Variants in GPRC5D observed in about 807,000 individuals in gnomAD.
GPRC5D encodes the protein G protein-coupled receptor family C group 5 member D.
GPRC5D carries 20 observed loss-of-function variants against 29.3 expected under a neutral mutation model. That is an observed-to-expected ratio of 0.68 (90% CI 0.48 to 0.99). The LOEUF is 0.99. GPRC5D is among the 50% of genes least tolerant of loss of function. The pLI, the probability that GPRC5D is intolerant of heterozygous loss-of-function variation, is 0.00. For missense variants in GPRC5D, 384 were observed against 423.6 expected, an observed-to-expected ratio of 0.91 and a Z score of 0.82; for synonymous variants, 178 against 171.3, an observed-to-expected ratio of 1.04 and a Z score of -0.30.
chr12:12,950,847 G>A (rs1057024288), upstream of GPRC5D, among the ~76,000 whole-genome samples: 12 of 150,612 alleles, frequency 8.0e-5, no homozygotes, highest in African/African-American at 2.2e-4. Flanking sequence ...GCTCATGCTT[G>A]TAATCCTAGC....
chr12:12,944,760 T>C (rs12816681), intron 1 of GPRC5D, among the ~76,000 whole-genome samples: 6,487 of 25,820 alleles, frequency 0.25, 1,387 homozygotes, highest in South Asian at 0.4. Context: ...TTCCTTCCTT[T>C]CTTCCTTCCT....
At chr12:12,943,739 A>G (rs1222936071) in intron 1 of GPRC5D, among the ~76,000 whole-genome samples, 1 of 152,212 alleles carries the variant, frequency 6.6e-6, no homozygotes, top group African/African-American at 2.4e-5. Flanking sequence ...TGTCATAACA[A>G]GGCTCCTTCA....
chr12:12,949,768 A>G lies in GPRC5D; in HGVS notation c.617T>C (p.Ile206Thr). 3 of 1,614,178 alleles carry G rather than the reference A, an allele frequency of 1.9e-6. No individual in the cohort carries two copies. The South Asian group carries it at 3.3e-5, about 18-fold the overall frequency. ...GATGGAGAAGAGCACAGTGATAAAG[A>G]TGAGCCTTCCATGCTGCTTCCAGTT... Residue 206 changes from isoleucine (I) to threonine (T), a missense_variant, in exon 1 of 3, where the codon ATC (isoleucine) becomes ACC (threonine). Physicochemically the swap from Ile to Thr is moderately conservative, Grantham distance 89. Coordinates refer to ENST00000228887, the Ensembl canonical transcript of GPRC5D.
chr12:12,948,729 C>T (rs531686150), intron 1 of GPRC5D, among the ~76,000 whole-genome samples: 4 of 152,200 alleles, frequency 2.6e-5, no homozygotes, highest in Non-Finnish European at 4.4e-5. Flanking sequence ...GGGGTCCAAG[C>T]ATCCTTGTTG....
exon 1 of GPRC5D, chr12:12,949,838 G>A: frequency 6.2e-7 from 1 of 1,614,120 alleles, no homozygotes; most frequent in Non-Finnish European, 8.5e-7. Context: ...AAGAATGTGA[G>A]GGCCATCAGG....
chr12:12,940,704 C>T, downstream of GPRC5D: 2 of 860,918 alleles, frequency 2.3e-6, no homozygotes, highest in Non-Finnish European at 4.0e-6. Context: ...TCTGTGGGCC[C>T]CCGTGGGCTA....
At chr12:12,942,589 G>C (rs749814712) in intron 1 of GPRC5D, among the ~76,000 whole-genome samples, 83 of 152,294 alleles carry the variant, frequency 5.4e-4, no homozygotes, top group Non-Finnish European at 8.5e-4. Flanking sequence ...ACAAAAATTA[G>C]CTGGGCGTGG....
At chr12:12,944,072 T>G (rs1338049385) in intron 1 of GPRC5D, among the ~76,000 whole-genome samples, 1 of 152,200 alleles carries the variant, frequency 6.6e-6, no homozygotes, top group Non-Finnish European at 1.5e-5. Context: ...GATTCTGCAC[T>G]CTTTCCACTG....
chr12:12,943,980 A>C (rs1167650364), intron 1 of GPRC5D, among the ~76,000 whole-genome samples: 2 of 152,146 alleles, frequency 1.3e-5, no homozygotes, highest in Non-Finnish European at 2.9e-5. Flanking sequence ...GCATTTAAAG[A>C]TGAGGAATCT....
chr12:12,949,490 C>T (rs1863430883), exon 1 of GPRC5D: 15 of 1,611,344 alleles, frequency 9.3e-6, no homozygotes, highest in African/African-American at 1.3e-5. Flanking sequence ...AGGAATGTAC[C>T]TCTGGAGAGC....
chr12:12,948,822 T>G lies in GPRC5D; in HGVS notation c.895+668A>C, dbSNP rs558073045. ...TATGACCCAGAAATTATTATGAAAATGTCACATAAGCAAGTTACTTTCTTT... is the reference window on the plus strand; with the variant it reads ...TATGACCCAGAAATTATTATGAAAAGGTCACATAAGCAAGTTACTTTCTTT... On this transcript the variant is annotated intron_variant, in intron 1 of 2. Transcript: ENST00000228887. Among the ~76,000 whole-genome samples the G allele has an allele frequency of 2.6e-5, 4 of 152,268 alleles. No individual in the cohort carries two copies. In the South Asian group the frequency reaches 8.3e-4, roughly 32 times the overall value.
chr12:12,942,117 A>G, intron 2 of GPRC5D, 144 bp downstream of exon 3: 1 of 660,516 alleles, frequency 1.5e-6, no homozygotes, highest in South Asian at 1.9e-5. Context: ...TGGGTGGCTC[A>G]AGCTCCACAT....
chr12:12,941,681 C>G (rs992082320), intron 2 of GPRC5D, among the ~76,000 whole-genome samples: 5 of 152,222 alleles, frequency 3.3e-5, no homozygotes, highest in Admixed American at 3.3e-4. Context: ...CAAGTCTTCA[C>G]AGCCCAAATG....
chr12:12,944,138 T>A (rs1863216663), intron 1 of GPRC5D, among the ~76,000 whole-genome samples: 1 of 152,136 alleles, frequency 6.6e-6, no homozygotes, highest in South Asian at 2.1e-4. Context: ...TAAATTGAAA[T>A]GTAATTTTTT....
chr12:12,950,019 GAC>G lies in GPRC5D; in HGVS notation c.364_365del (p.Val122LeufsTer24), dbSNP rs1311056483. ...ACAGAATTGTCGTCCAGGAGAAGGA[GAC>G]ACAACCCCGAACCAGCTTCACTAGA... On this transcript the variant is annotated frameshift_variant, in exon 1 of 3. Coordinates refer to ENST00000228887, the Ensembl canonical transcript of GPRC5D. LOFTEE classifies it high-confidence loss of function. 6.2e-7 allele frequency: 1 copy of G among 1,614,128 alleles called. No homozygotes were observed. Among genetic ancestry groups the G allele is most frequent in the African/African-American group, 1.3e-5 (1 of 75,026 alleles).
intron 1 of GPRC5D, among the ~76,000 whole-genome samples, chr12:12,943,506 G>A (rs578052784): frequency 2.0e-5 from 3 of 152,196 alleles, no homozygotes; most frequent in African/African-American, 7.2e-5. Context: ...TGAGGATTAT[G>A]TAAAATGTTA....
intron 1 of GPRC5D, among the ~76,000 whole-genome samples, chr12:12,946,267 TCTTCCTTCCTTCCTTC>T (rs1322377084): frequency 1.1e-5 from 1 of 93,780 alleles, no homozygotes; most frequent in African/African-American, 4.0e-5. Flanking sequence ...TTCTTTCCTT[TCTTCCTTCCTTCCTTC>T]CTTCCTTTCT....
At chr12:12,941,573 G>A (rs1031427104) in intron 2 of GPRC5D, among the ~76,000 whole-genome samples, 6 of 152,080 alleles carry the variant, frequency 3.9e-5, no homozygotes, top group African/African-American at 1.4e-4. Flanking sequence ...ATGATCTGAG[G>A]GTGGCTTTCA....
chr12:12,945,644 G>A (rs1863296596), intron 1 of GPRC5D, among the ~76,000 whole-genome samples: 1 of 152,058 alleles, frequency 6.6e-6, no homozygotes, highest in Non-Finnish European at 1.5e-5. Flanking sequence ...ATAATCCCAG[G>A]ATCATGTAAA....
Sources: gnomAD v4.1 joint callset for allele counts (sites outside exome capture counted in the v4.1 genomes callset) on GRCh38, gnomAD v4.1.1 for gene constraint, MANE v1.5 for transcripts, NCBI Gene and HGNC (gene_info 2026-07-23, HGNC 2026-07-21) for gene names.